The following KCNK9 variants were observed in gnomAD, a reference collection of about 807,000 sequenced individuals.
KCNK9 encodes the protein potassium two pore domain channel subfamily K member 9.
KCNK9 carries 1 observed loss-of-function variant against 10.8 expected under a neutral mutation model. The ratio of observed to expected loss-of-function variants is 0.09; its 90% CI spans 0.03 to 0.44. The LOEUF is 0.44. Among genes scored for constraint, KCNK9 ranks in the 20% least tolerant of loss-of-function variants. The pLI is 0.97. For missense variants in KCNK9, 303 were observed against 515.0 expected (o/e 0.59, Z 3.98); for synonymous variants, 231 against 222.7 (o/e 1.04, Z -0.33).
chr8:139,625,522 C>T (rs1010721480), intron 1 of KCNK9, among the ~76,000 whole-genome samples: 3 of 152,222 alleles, frequency 2.0e-5, no homozygotes, highest in African/African-American at 7.2e-5. Flanking sequence ...CTTCCATCTT[C>T]CCAGGCCTGC....
intron 1 of KCNK9, among the ~76,000 whole-genome samples, chr8:139,661,340 A>T (rs528488572): frequency 5.9e-5 from 9 of 152,296 alleles, no homozygotes; most frequent in Admixed American, 3.3e-4. Context: ...TCCATTTTCC[A>T]GGTGATCAGG....
At chr8:139,645,710 C>A (rs1208303652) in intron 1 of KCNK9, among the ~76,000 whole-genome samples, 2 of 152,178 alleles carry the variant, frequency 1.3e-5, no homozygotes, top group African/African-American at 4.8e-5. Flanking sequence ...AGCCAGAAGG[C>A]TCTCAAGGCA....
chr8:139,679,076 G>A (rs1026963882), intron 1 of KCNK9, among the ~76,000 whole-genome samples: 19 of 152,332 alleles, frequency 1.2e-4, no homozygotes, highest in Middle Eastern at 3.4e-3. Flanking sequence ...CAGAGGCAGG[G>A]TGGGCTGTCC....
At chr8:139,666,471 CT>C (rs1346844390) in intron 1 of KCNK9, among the ~76,000 whole-genome samples, 2 of 152,250 alleles carry the variant, frequency 1.3e-5, no homozygotes, top group South Asian at 2.1e-4. Context: ...GCTCAGAACA[CT>C]GTGGTCATCC....
intron 1 of KCNK9, among the ~76,000 whole-genome samples, chr8:139,681,397 G>A (rs1388004687): frequency 6.6e-6 from 1 of 152,250 alleles, no homozygotes; most frequent in African/African-American, 2.4e-5. Context: ...TGTGAGACAG[G>A]AGGCAGGGAC....
At chr8:139,621,233 A>G (rs929227725) in intron 1 of KCNK9, among the ~76,000 whole-genome samples, 26 of 151,432 alleles carry the variant, frequency 1.7e-4, no homozygotes, top group Admixed American at 1.3e-3. Context: ...GGAGGTTGCA[A>G]TGAGCCATGA....
intron 1 of KCNK9, among the ~76,000 whole-genome samples, chr8:139,648,236 T>C (rs1324895055): frequency 6.6e-6 from 1 of 151,126 alleles, no homozygotes; most frequent in Non-Finnish European, 1.5e-5. Context: ...AGACAGAAAG[T>C]GGATCACTGG....
chr8:139,702,596 A>T lies in KCNK9; in HGVS notation c.283+114T>A. 9.0e-7 allele frequency: 1 copy of T among 1,113,552 alleles called. No homozygotes were observed. The highest frequency in any genetic ancestry group is 1.3e-6 in the Non-Finnish European group (1 of 798,528). The allele number at this position is 1,113,552 out of a possible 1,614,324, so 69.0% of individuals were successfully genotyped here. A position where few individuals can be genotyped will look rare whatever the true frequency, so the allele number is the denominator to read the frequency against. ...AGGGGGCGCTGCGGGAAGGCCCCCA[A>T]GGGAGGCTGCGTTTAACCCTCGACG... is the stretch of plus-strand genomic sequence containing the variant. On this transcript the variant is annotated intron_variant, in intron 1 of 1. Transcript: ENST00000520439. This position sits in a 1 kb window ranked among gnomAD's most constrained non-coding sequence, Gnocchi z 7.5.
intron 1 of KCNK9, among the ~76,000 whole-genome samples, chr8:139,688,093 T>G (rs1471033274): frequency 6.6e-6 from 1 of 152,070 alleles, no homozygotes; most frequent in Non-Finnish European, 1.5e-5. Flanking sequence ...AAGAAAAAGT[T>G]TAAAAGCACA....
intron 1 of KCNK9, among the ~76,000 whole-genome samples, chr8:139,643,806 G>A (rs1382683379): frequency 6.6e-6 from 1 of 152,174 alleles, no homozygotes; most frequent in African/African-American, 2.4e-5. Flanking sequence ...TCATCTACAA[G>A]CCCTGGTTCA....
intron 1 of KCNK9, among the ~76,000 whole-genome samples, chr8:139,689,925 G>A (rs1816901983): frequency 6.6e-6 from 1 of 152,178 alleles, no homozygotes; most frequent in African/African-American, 2.4e-5. Flanking sequence ...ACAGGTGTGA[G>A]CCACCACGCC....
chr8:139,659,683 T>TA, intron 1 of KCNK9, among the ~76,000 whole-genome samples: 1 of 151,400 alleles, frequency 6.6e-6, no homozygotes, highest in East Asian at 1.9e-4. Context: ...AGCTAATTTT[T>TA]TTTTTTTTTT....
At chr8:139,678,942 G>T (rs560616853) in intron 1 of KCNK9, among the ~76,000 whole-genome samples, 13 of 152,404 alleles carry the variant, frequency 8.5e-5, no homozygotes, top group African/African-American at 3.1e-4. Context: ...AGACAGCTGT[G>T]CAGAGGCTTG....
At chr8:139,624,101 CCA>C (rs1423280379) in intron 1 of KCNK9, among the ~76,000 whole-genome samples, 4 of 152,214 alleles carry the variant, frequency 2.6e-5, no homozygotes, top group Non-Finnish European at 5.9e-5. Context: ...AATGCAAAGA[CCA>C]CACACAGGGT....
chr8:139,609,412 G>A (rs1240074424), downstream of KCNK9, among the ~76,000 whole-genome samples: 1 of 152,242 alleles, frequency 6.6e-6, no homozygotes, highest in Admixed American at 6.5e-5. Flanking sequence ...CTCAGAAGGG[G>A]GTAGGGGGAC....
intron 1 of KCNK9, among the ~76,000 whole-genome samples, chr8:139,643,336 A>G (rs1040206200): frequency 1.3e-5 from 2 of 152,060 alleles, no homozygotes; most frequent in Non-Finnish European, 2.9e-5. Flanking sequence ...CTATTCCCCA[A>G]CGTCCTTCAC....
chr8:139,619,960 C>T (rs1255525426), intron 1 of KCNK9, among the ~76,000 whole-genome samples: 1 of 152,202 alleles, frequency 6.6e-6, no homozygotes, highest in East Asian at 1.9e-4. Flanking sequence ...CCTTAAAGAC[C>T]TTATGTGTGT....
In KCNK9 at chr8:139,673,371, A is replaced by G. The variant is rs544909686; in HGVS notation, c.283+29339T>C. Among the ~76,000 whole-genome samples, 7 of 152,366 alleles carry G rather than the reference A, an allele frequency of 4.6e-5. No individual in the cohort carries two copies. In the South Asian group the frequency reaches 1.2e-3, roughly 27 times the overall value. ...TGTATGCTATGTGAACGAAATCTCA[A>G]TAAAGCCGCTACAAAAATGAAAAAG... is the stretch of plus-strand genomic sequence containing the variant. On this transcript the variant is annotated intron_variant, in intron 1 of 1. Transcript: ENST00000520439.
At chr8:139,686,702 ACAAG>A (rs1314609739) in intron 1 of KCNK9, among the ~76,000 whole-genome samples, 1 of 152,240 alleles carries the variant, frequency 6.6e-6, no homozygotes, top group Non-Finnish European at 1.5e-5. Context: ...AGAATAACAC[ACAAG>A]CAGTCTGGCT....
Sources: allele counts gnomAD v4.1 joint callset (sites outside exome capture counted in the v4.1 genomes callset), GRCh38; gene constraint gnomAD v4.1.1; non-coding constraint Gnocchi (gnomAD v3.1); transcripts MANE v1.5; gene names NCBI Gene and HGNC (gene_info 2026-07-23, HGNC 2026-07-21).